DDC: variants seen among roughly 807,000 people sequenced by gnomAD.
The protein encoded by DDC is dopa decarboxylase.
A neutral mutation model predicts 60.0 loss-of-function variants in DDC; 43 were observed. The ratio of observed to expected loss-of-function variants is 0.72; its 90% confidence interval spans 0.56 to 0.92. DDC has a LOEUF of 0.92. DDC is among the 40% of genes least tolerant of loss of function. The pLI, the probability that DDC is intolerant of heterozygous loss-of-function variation, is 0.00. For missense variants in DDC, 573 were observed against 620.2 expected (o/e 0.92, Z 0.81); for synonymous variants, 232 against 234.6 (o/e 0.99, Z 0.10).
chr7:50,488,926 G>A (rs1357637911), intron 9 of DDC, among the ~76,000 whole-genome samples: 1 of 152,070 alleles, frequency 6.6e-6, no homozygotes, highest in Non-Finnish European at 1.5e-5. Flanking sequence ...TTTCCCCTCT[G>A]GTTCTGACTG....
intron 1 of DDC, among the ~76,000 whole-genome samples, chr7:50,557,970 GGTTGCTAA>G (rs1444153730): frequency 6.6e-6 from 1 of 151,924 alleles, no homozygotes; most frequent in Non-Finnish European, 1.5e-5. Flanking sequence ...TTTCATTCAT[GGTTGCTAA>G]TTTTGAAAGT....
intron 9 of DDC, among the ~76,000 whole-genome samples, chr7:50,483,262 C>CT (rs1487065714): frequency 1.3e-5 from 2 of 152,134 alleles, no homozygotes. Flanking sequence ...AATATGATAA[C>CT]TTTTTTTCTC....
chr7:50,559,574 C>T (rs553073353), intron 1 of DDC, among the ~76,000 whole-genome samples: 8 of 152,124 alleles, frequency 5.3e-5, no homozygotes, highest in African/African-American at 7.2e-5. Flanking sequence ...ACTATAGGCA[C>T]GCACAACCAC....
intron 4 of DDC, among the ~76,000 whole-genome samples, chr7:50,529,725 T>C (rs888843313): frequency 6.6e-6 from 1 of 152,332 alleles, no homozygotes; most frequent in Non-Finnish European, 1.5e-5. Context: ...TCTGCGTTCA[T>C]ATTCACTCGG....
At chr7:50,524,573 T>C (rs1243038997) in intron 6 of DDC, among the ~76,000 whole-genome samples, 1 of 152,200 alleles carries the variant, frequency 6.6e-6, no homozygotes, top group Non-Finnish European at 1.5e-5. Flanking sequence ...CATGAAAAGA[T>C]GTTCATTAGT....
At chr7:50,562,964 C>T (rs972923780) in intron 1 of DDC, among the ~76,000 whole-genome samples, 7 of 152,070 alleles carry the variant, frequency 4.6e-5, no homozygotes, top group South Asian at 2.1e-4. Flanking sequence ...GTCAGGAGTT[C>T]GAGACCACCC....
chr7:50,516,490 T>C (rs2043735997), intron 6 of DDC, among the ~76,000 whole-genome samples: 1 of 151,232 alleles, frequency 6.6e-6, no homozygotes, highest in Admixed American at 6.6e-5. Context: ...GAGCACAAAC[T>C]GACATTCTAA....
At chr7:50,529,164 T>C (rs1388177666) in intron 5 of DDC, 44 bp downstream of exon 5, 3 of 1,611,630 alleles carry the variant, frequency 1.9e-6, no homozygotes, top group Admixed American at 3.3e-5. Context: ...AAACCAAACA[T>C]TCGGGTCTTG....
intron 1 of DDC, among the ~76,000 whole-genome samples, chr7:50,556,026 C>T (rs1395231794): frequency 2.0e-5 from 3 of 152,170 alleles, no homozygotes; most frequent in East Asian, 1.9e-4. Context: ...AATGATTTCC[C>T]GAATGCCTAC....
At chr7:50,482,752 T>G (rs558684883) in intron 9 of DDC, among the ~76,000 whole-genome samples, 1 of 152,222 alleles carries the variant, frequency 6.6e-6, no homozygotes, top group Non-Finnish European at 1.5e-5. Flanking sequence ...CTGAACAGGT[T>G]TGGATATGTT....
At chr7:50,482,494 G>C (rs146436311) in intron 9 of DDC, among the ~76,000 whole-genome samples, 1 of 152,156 alleles carries the variant, frequency 6.6e-6, no homozygotes, top group Non-Finnish European at 1.5e-5. Flanking sequence ...ATCTGTGCCC[G>C]CGCTGGTGCT....
intron 1 of DDC, among the ~76,000 whole-genome samples, chr7:50,550,875 A>G (rs1336073089): frequency 1.3e-5 from 2 of 152,238 alleles, no homozygotes; most frequent in Non-Finnish European, 2.9e-5. Context: ...TCCTTTCACA[A>G]GAGGTATGCC....
At chr7:50,472,332 C>T (rs2042552302) in intron 11 of DDC, among the ~76,000 whole-genome samples, 1 of 152,140 alleles carries the variant, frequency 6.6e-6, no homozygotes, top group Non-Finnish European at 1.5e-5. Context: ...CCCATTTGAC[C>T]CTCATTCATG....
intron 8 of DDC, among the ~76,000 whole-genome samples, chr7:50,496,567 ACT>A (rs2043131931): frequency 6.6e-6 from 1 of 151,926 alleles, no homozygotes; most frequent in Non-Finnish European, 1.5e-5. Context: ...AGAGGAGGAC[ACT>A]CTGCATTTTC....
At chr7:50,502,481 T>C (rs2043282092) in intron 7 of DDC, among the ~76,000 whole-genome samples, 1 of 152,242 alleles carries the variant, frequency 6.6e-6, no homozygotes. Context: ...ATTCAGTTCT[T>C]AGCCTGACAT....
In DDC at chr7:50,559,911, G is replaced by A. The variant is rs566062940; in HGVS notation, c.-29+5374C>T. On this transcript the variant is annotated intron_variant, in intron 1 of 14. Transcript: ENST00000444124. ...TCTCTTTGAATTTGTGGCAAGGGGA[G>A]TTAAGGGGGATTTATTTTAATTATT... Among the ~76,000 whole-genome samples, 3 of 152,352 alleles carry A rather than the reference G, an allele frequency of 2.0e-5. No homozygotes were observed. The South Asian group carries it at 6.2e-4, about 32-fold the overall frequency.
chr7:50,557,172 G>A (rs1396555668), intron 1 of DDC, among the ~76,000 whole-genome samples: 1 of 152,214 alleles, frequency 6.6e-6, no homozygotes, highest in East Asian at 1.9e-4. Context: ...CTCCTCTGCT[G>A]ACATGAAGGA....
chr7:50,535,283 A>G (rs2044363987), intron 4 of DDC, among the ~76,000 whole-genome samples: 2 of 151,562 alleles, frequency 1.3e-5, no homozygotes, highest in African/African-American at 4.9e-5. Context: ...AGTAGCTGGG[A>G]TTATAGGTGC....
chr7:50,460,871 C>A (rs969877859), intron 14 of DDC, among the ~76,000 whole-genome samples: 2 of 151,302 alleles, frequency 1.3e-5, no homozygotes, highest in Non-Finnish European at 2.9e-5. Context: ...TAAGAGTCAT[C>A]ACCACTCCCT....
Sources: gnomAD v4.1 joint callset for allele counts (sites outside exome capture counted in the v4.1 genomes callset) on GRCh38, gnomAD v4.1.1 for gene constraint, MANE v1.5 for transcripts, NCBI Gene and HGNC (gene_info 2026-07-23, HGNC 2026-07-21) for gene names.